The following SDK1 variants were observed in gnomAD, a reference collection of about 807,000 sequenced individuals.
The protein encoded by SDK1 is sidekick cell adhesion molecule 1.
Under a neutral mutation model 245.5 loss-of-function variants are expected in SDK1, and 157 were observed. That is an observed-to-expected ratio of 0.64 (90% CI 0.56 to 0.73). The LOEUF (loss-of-function observed/expected upper bound fraction) is 0.73, where lower values mean the gene tolerates loss of function less well. Ranked by LOEUF, SDK1 falls within the 30% of genes least tolerant of loss-of-function variation. The pLI is 0.00. For missense variants in SDK1, 3,583 were observed against 3,002.3 expected (o/e 1.19, Z -4.52); for synonymous variants, 1,647 against 1,278.5 (o/e 1.29, Z -6.15).
chr7:4,085,937 A>T (rs1411105444), intron 22 of SDK1, among the ~76,000 whole-genome samples: 1 of 152,170 alleles, frequency 6.6e-6, no homozygotes, highest in Non-Finnish European at 1.5e-5. Flanking sequence ...CAAAGTCAAA[A>T]CTATTTAAAA....
intron 16 of SDK1, among the ~76,000 whole-genome samples, chr7:4,014,018 C>A (rs555470073): frequency 3.3e-5 from 5 of 152,270 alleles, no homozygotes; most frequent in Admixed American, 6.5e-5. Flanking sequence ...CACTGCTGCT[C>A]TTGCCCCTGC....
chr7:3,923,364 A>G (rs1465044709), intron 5 of SDK1, among the ~76,000 whole-genome samples: 6 of 152,150 alleles, frequency 3.9e-5, no homozygotes, highest in African/African-American at 4.8e-5. Flanking sequence ...TTGAGAGCCT[A>G]CAGTTCACTG....
chr7:4,245,379 C>T (rs1403240970), intron 43 of SDK1, among the ~76,000 whole-genome samples: 2 of 152,126 alleles, frequency 1.3e-5, no homozygotes, highest in Non-Finnish European at 2.9e-5. Context: ...CTGTCCCGAC[C>T]TCAGGGTGCT....
chr7:3,372,095 G>A (rs948896072), intron 1 of SDK1, among the ~76,000 whole-genome samples: 1 of 152,194 alleles, frequency 6.6e-6, no homozygotes, highest in African/African-American at 2.4e-5. Flanking sequence ...CAGCATTTAT[G>A]TTCCATTCAC....
chr7:3,507,865 C>T (rs952019649), intron 1 of SDK1, among the ~76,000 whole-genome samples: 2 of 152,170 alleles, frequency 1.3e-5, no homozygotes, highest in Admixed American at 6.6e-5. Context: ...TGCTTTCATC[C>T]AGCAGTTCCA....
intron 19 of SDK1, among the ~76,000 whole-genome samples, chr7:4,057,345 C>T (rs1583972513): frequency 6.6e-6 from 1 of 152,086 alleles, no homozygotes; most frequent in African/African-American, 2.4e-5. Flanking sequence ...GAGTACTTCT[C>T]CTGGGGACCT....
At chr7:4,189,474 C>T (rs764164897) in intron 35 of SDK1, among the ~76,000 whole-genome samples, 4 of 152,230 alleles carry the variant, frequency 2.6e-5, no homozygotes, top group Admixed American at 2.0e-4. Context: ...AGATGAGAGC[C>T]GAGTGTCCAG....
chr7:3,968,516 C>A (rs1460510292), intron 10 of SDK1, among the ~76,000 whole-genome samples: 1 of 152,228 alleles, frequency 6.6e-6, no homozygotes, highest in African/African-American at 2.4e-5. Flanking sequence ...TGGGACACTA[C>A]AGATCAATAA....
chr7:4,145,497 T>A (rs1339770278), intron 28 of SDK1, among the ~76,000 whole-genome samples: 1 of 152,098 alleles, frequency 6.6e-6, no homozygotes, highest in Non-Finnish European at 1.5e-5. Context: ...CACACCTTGT[T>A]CTGGTGAAGG....
chr7:3,618,682 T>C (rs1024092565), intron 1 of SDK1, among the ~76,000 whole-genome samples: 9 of 152,184 alleles, frequency 5.9e-5, no homozygotes, highest in African/African-American at 1.9e-4. Flanking sequence ...TTAAAACCAA[T>C]TGAAGGTTAT....
chr7:3,313,887 A>G (rs1222617779), intron 1 of SDK1, among the ~76,000 whole-genome samples: 3 of 152,230 alleles, frequency 2.0e-5, no homozygotes, highest in African/African-American at 7.2e-5. Context: ...TATATGTGTC[A>G]AAACATGTCG....
chr7:3,530,940 T>A (rs1358996792), intron 1 of SDK1, among the ~76,000 whole-genome samples: 4 of 152,218 alleles, frequency 2.6e-5, no homozygotes, highest in South Asian at 2.1e-4. Flanking sequence ...CAGTGAGAAG[T>A]CTTTATCGTA....
At chr7:3,538,006 G>A (rs1213051403) in intron 1 of SDK1, among the ~76,000 whole-genome samples, 1 of 152,200 alleles carries the variant, frequency 6.6e-6, no homozygotes, top group Non-Finnish European at 1.5e-5. Context: ...AGGGATCCAG[G>A]CACTGATGGT....
intron 17 of SDK1, among the ~76,000 whole-genome samples, chr7:4,035,005 G>C (rs529507665): frequency 6.6e-6 from 1 of 152,314 alleles, no homozygotes; most frequent in East Asian, 1.9e-4. Flanking sequence ...TGGAGACGGA[G>C]TCTTGCTCTG....
At chr7:4,081,904 A>T (rs73302779) in intron 22 of SDK1, among the ~76,000 whole-genome samples, 6,002 of 152,204 alleles carry the variant, frequency 0.039, 364 homozygotes, top group African/African-American at 0.13. Context: ...CTTTTCCCCC[A>T]TACACATCAC....
At chr7:3,494,686 A>C (rs1418551742) in intron 1 of SDK1, among the ~76,000 whole-genome samples, 2 of 152,222 alleles carry the variant, frequency 1.3e-5, no homozygotes, top group Non-Finnish European at 2.9e-5. Flanking sequence ...TAAAGAAGTC[A>C]GAGAATATAT....
intron 35 of SDK1, among the ~76,000 whole-genome samples, chr7:4,201,579 T>C (rs73048266): frequency 0.073 from 11,143 of 152,326 alleles, 428 homozygotes; most frequent in Middle Eastern, 0.11. Flanking sequence ...AAACTGAAAG[T>C]AGAAATCTGG....
intron 4 of SDK1, among the ~76,000 whole-genome samples, chr7:3,684,895 C>T (rs1038724913): frequency 2.0e-5 from 3 of 151,908 alleles, no homozygotes; most frequent in African/African-American, 7.3e-5. Flanking sequence ...CACAGAGGAC[C>T]GAATCCATGA....
chr7:3,707,628 C>G (rs1784929491), intron 4 of SDK1, among the ~76,000 whole-genome samples: 2 of 152,098 alleles, frequency 1.3e-5, no homozygotes, highest in African/African-American at 4.8e-5. Flanking sequence ...GATTGTCTGT[C>G]TGGTGCTGTC....
Sources: gnomAD v4.1 joint callset for allele counts (sites outside exome capture counted in the v4.1 genomes callset) on GRCh38, gnomAD v4.1.1 for gene constraint, MANE v1.5 for transcripts, NCBI Gene and HGNC (gene_info 2026-07-23, HGNC 2026-07-21) for gene names.